Variants in PIK3C3 observed in about 807,000 individuals in gnomAD.
PIK3C3 encodes the protein PI3-kinase type 3.
A neutral mutation model predicts 126.1 loss-of-function variants in PIK3C3; 95 were observed. That is an observed-to-expected ratio of 0.75 (90% confidence interval 0.64 to 0.89). PIK3C3 has a LOEUF of 0.89. Ranked by LOEUF, PIK3C3 falls within the 40% of genes least tolerant of loss-of-function variation. The probability of loss-of-function intolerance (pLI) is 0.00; values close to 1 mark genes in which losing one functional copy is unlikely to be tolerated. For synonymous variants in PIK3C3, 374 were observed against 360.0 expected, an observed-to-expected ratio of 1.04 and a Z score of -0.44; for missense variants, 829 against 1,063.2, an observed-to-expected ratio of 0.78 and a Z score of 3.06.
In PIK3C3 at chr18:42,015,348, C is replaced by A. The variant is rs1333944823; in HGVS notation, c.1326-128C>A. ...AGTACAATGTGACTCTAGTGTTGCA[C>A]AGAACACACTTTAGGAAGTGTTGCA... is the stretch of plus-strand genomic sequence containing the variant. On this transcript the variant is annotated intron_variant, in intron 11 of 24. Coordinates refer to ENST00000262039, the MANE Select transcript of PIK3C3 (RefSeq NM_002647.4). The A allele has an allele frequency of 1.0e-5, 7 of 684,094 alleles. No homozygotes were observed. The African/African-American group carries it at 1.1e-4, about 11-fold the overall frequency. 42.4% of individuals were successfully genotyped at this position (684,094 alleles called of 1,614,324 possible). A position where few individuals can be genotyped will look rare whatever the true frequency, so the allele number is the denominator to read the frequency against.
At chr18:42,068,554 A>C (rs1261036328) in intron 24 of PIK3C3, among the ~76,000 whole-genome samples, 1 of 152,026 alleles carries the variant, frequency 6.6e-6, no homozygotes, top group African/African-American at 2.4e-5. Context: ...TATGTTTTCT[A>C]CCTTTATTAC....
intron 4 of PIK3C3, among the ~76,000 whole-genome samples, chr18:41,973,616 A>G (rs1020852186): frequency 2.0e-5 from 3 of 152,108 alleles, no homozygotes; most frequent in African/African-American, 4.8e-5. Context: ...CAGTTGTGCC[A>G]CAATAGTGTC....
Position 42,084,415 on chromosome 18 carries a change from T to A in PIK3C3, c.*3278T>A, listed in dbSNP as rs1176669832. The A allele has an allele frequency of 1.3e-5, 2 of 152,084 alleles. No individual in the cohort carries two copies. Among genetic ancestry groups the A allele is most frequent in the Non-Finnish European group, 2.9e-5 (2 of 68,006 alleles). 9.4% of individuals were successfully genotyped at this position (152,084 alleles called of 1,614,324 possible). On this transcript the variant is annotated 3_prime_UTR_variant, in exon 25 of 25. Coordinates refer to ENST00000262039, the MANE Select transcript of PIK3C3 (RefSeq NM_002647.4). ...GAAGAACAATGTGAACTTTCTATAATTATATACAGAAAATATACTGATTTG... is the reference window on the plus strand; with the variant it reads ...GAAGAACAATGTGAACTTTCTATAAATATATACAGAAAATATACTGATTTG...
intron 22 of PIK3C3, among the ~76,000 whole-genome samples, chr18:42,060,690 T>C (rs1237211079): frequency 6.6e-6 from 1 of 152,044 alleles, no homozygotes; most frequent in Admixed American, 6.6e-5. Context: ...GGTATGAGAA[T>C]TGCTTGAACC....
At position 42,081,201 on chromosome 18, in the gene PIK3C3, T is replaced by C; in HGVS notation, c.*64T>C. On this transcript the variant is annotated 3_prime_UTR_variant, in exon 25 of 25. Coordinates refer to ENST00000262039, the MANE Select transcript of PIK3C3 (RefSeq NM_002647.4). ...AAAACCACGTTAGGAGCAACCTTTGTATATTGGAGACTTCAGAGTAACCAG... is the reference window on the plus strand; with the variant it reads ...AAAACCACGTTAGGAGCAACCTTTGCATATTGGAGACTTCAGAGTAACCAG... 9.4e-7 allele frequency: 1 copy of C among 1,066,326 alleles called. No individual in the cohort carries two copies. Among genetic ancestry groups the C allele is most frequent in the Non-Finnish European group, 1.4e-6 (1 of 710,664 alleles). The allele number at this position is 1,066,326 out of a possible 1,614,324, so 66.1% of individuals were successfully genotyped here.
At chr18:42,046,299 ATAATGTTT>A (rs1284465518) in intron 20 of PIK3C3, among the ~76,000 whole-genome samples, 1 of 152,158 alleles carries the variant, frequency 6.6e-6, no homozygotes, top group African/African-American at 2.4e-5. Flanking sequence ...ATTTTAGAAA[ATAATGTTT>A]TAATGTTTTT....
At chr18:41,971,652 C>T (rs1980671355) in intron 4 of PIK3C3, among the ~76,000 whole-genome samples, 1 of 152,022 alleles carries the variant, frequency 6.6e-6, no homozygotes, top group Admixed American at 6.6e-5. Flanking sequence ...TTGAGCTACT[C>T]TCTGTCCCTT....
chr18:42,014,567 C>G (rs1439477994), intron 11 of PIK3C3, among the ~76,000 whole-genome samples: 3 of 152,098 alleles, frequency 2.0e-5, no homozygotes, highest in Admixed American at 6.5e-5. Flanking sequence ...CACATTTTTT[C>G]TACTTTTTGC....
intron 19 of PIK3C3, among the ~76,000 whole-genome samples, chr18:42,043,257 C>CCCAGT (rs1484065251): frequency 2.0e-5 from 3 of 151,962 alleles, no homozygotes; most frequent in Non-Finnish European, 1.5e-5. Flanking sequence ...TGCCACCACG[C>CCCAGT]TAATTTTTGT....
At chr18:42,012,424 T>G (rs1056060706) in intron 10 of PIK3C3, among the ~76,000 whole-genome samples, 7 of 152,140 alleles carry the variant, frequency 4.6e-5, no homozygotes, top group Non-Finnish European at 8.8e-5. Context: ...AGACTGAAGT[T>G]GAGTTGGTAG....
At chr18:42,038,896 G>A (rs1598920537) in intron 18 of PIK3C3, 46 bp downstream of exon 18, 1 of 1,236,608 alleles carries the variant, frequency 8.1e-7, no homozygotes, top group East Asian at 2.4e-5. Flanking sequence ...TGTACATTGT[G>A]TGTACTTTTT....
At chr18:42,009,932 G>A (rs78761669) in intron 10 of PIK3C3, among the ~76,000 whole-genome samples, 7,434 of 152,240 alleles carry the variant, frequency 0.049, 268 homozygotes, top group Non-Finnish European at 0.076. Context: ...GGTGATGGTT[G>A]CAGAAGGTTG....
Position 42,027,522 on chromosome 18 carries a change from A to G in PIK3C3, c.1564A>G (p.Arg522Gly). Reference sequence around the variant, plus strand: ...CCATGAGATGTACTTGAACGTAATGAGAAGATTCAGCCAAGCATTGTTGAA... The same window carrying G: ...CCATGAGATGTACTTGAACGTAATGGGAAGATTCAGCCAAGCATTGTTGAA... ...KTHEMYLNVM[R>G]RFSQALLKGD... Residue 522 changes from arginine (R) to glycine (G), a missense_variant, in exon 14 of 25, where the codon AGA (arginine) becomes GGA (glycine). By Grantham distance (125) the Arg-to-Gly change is moderately radical. Coordinates refer to ENST00000262039, the MANE Select transcript of PIK3C3 (RefSeq NM_002647.4). The G allele has an allele frequency of 1.2e-6, 2 of 1,610,882 alleles. No individual in the cohort carries two copies. Among genetic ancestry groups the G allele is most frequent in the Non-Finnish European group, 1.7e-6 (2 of 1,177,426 alleles).
intron 18 of PIK3C3, among the ~76,000 whole-genome samples, chr18:42,040,303 T>G (rs1984252454): frequency 6.6e-6 from 1 of 152,060 alleles, no homozygotes; most frequent in South Asian, 2.1e-4. Context: ...TAATCCACAA[T>G]TCTAGATTTC....
At chr18:42,025,380 T>A (rs935063199) in intron 13 of PIK3C3, 1 of 152,244 alleles carries the variant, frequency 6.6e-6, no homozygotes, top group Non-Finnish European at 1.5e-5. Context: ...GTTTTTTGTT[T>A]TAATGTTCGG....
intron 3 of PIK3C3, among the ~76,000 whole-genome samples, chr18:41,969,365 T>G (rs1351101426): frequency 2.0e-5 from 3 of 152,324 alleles, no homozygotes; most frequent in East Asian, 3.9e-4. Flanking sequence ...AAGAACATCT[T>G]TAACCTCCCC....
intron 4 of PIK3C3, among the ~76,000 whole-genome samples, chr18:41,979,229 A>T (rs765867840): frequency 2.6e-5 from 4 of 152,126 alleles, no homozygotes; most frequent in Non-Finnish European, 4.4e-5. Context: ...CTGTTTCCAC[A>T]TGTGATTTAT....
Position 42,033,891 on chromosome 18 carries a change from C to T in PIK3C3, c.1773C>T (p.Ile591=). The part of the protein sequence containing the change: ...EKMNLSDVEL[I]PLPLEPQVKI... ...TGAATTTGTCAGATGTGGAACTTAT[C>T]CCGTTGCCTTTAGAACCCCAAGTGA... is the stretch of plus-strand genomic sequence containing the variant. Residue 591 remains isoleucine, a synonymous_variant, in exon 16 of 25, where the codon ATC becomes ATT. Coordinates refer to ENST00000262039, the MANE Select transcript of PIK3C3 (RefSeq NM_002647.4). 6.2e-7 allele frequency: 1 copy of T among 1,604,552 alleles called. No homozygotes were observed. Among genetic ancestry groups the T allele is most frequent in the Non-Finnish European group, 8.5e-7 (1 of 1,173,610 alleles).
chr18:41,960,005 A>G (rs922067887), intron 2 of PIK3C3, among the ~76,000 whole-genome samples: 5 of 152,220 alleles, frequency 3.3e-5, no homozygotes, highest in African/African-American at 1.2e-4. Context: ...AGAAGAAATT[A>G]GATCATAAAG....
Sources: allele counts gnomAD v4.1 joint callset (sites outside exome capture counted in the v4.1 genomes callset), GRCh38; gene constraint gnomAD v4.1.1; transcripts MANE v1.5; gene names NCBI Gene and HGNC (gene_info 2026-07-23, HGNC 2026-07-21).